Variants in RBFOX1 observed in about 807,000 individuals in gnomAD.
RBFOX1 encodes RNA binding protein fox-1 homolog 1.
In RBFOX1, 8 loss-of-function variants were observed where a neutral mutation model predicts 57.7. The ratio of observed to expected loss-of-function variants is 0.14; its 90% confidence interval spans 0.08 to 0.25. The LOEUF is 0.25. RBFOX1 is among the 10% of genes least tolerant of loss of function. RBFOX1 has a pLI of 1.00. For synonymous variants in RBFOX1, 326 were observed against 222.4 expected (o/e 1.47, Z -4.15); for missense variants, 611 against 548.5 (o/e 1.11, Z -1.14).
intron 3 of RBFOX1, among the ~76,000 whole-genome samples, chr16:7,009,637 C>T (rs1187712350): frequency 2.0e-5 from 3 of 152,152 alleles, no homozygotes; most frequent in Admixed American, 2.0e-4. Context: ...TATTGGAATT[C>T]TACCGTCTGG....
chr16:7,545,300 A>T (rs1019435226), intron 5 of RBFOX1, among the ~76,000 whole-genome samples: 4 of 148,418 alleles, frequency 2.7e-5, no homozygotes, highest in African/African-American at 1.0e-4. Context: ...CCACTGAGAG[A>T]GGCAGGGTGC....
chr16:6,812,669 G>T (rs375895182), intron 3 of RBFOX1, among the ~76,000 whole-genome samples: 3 of 152,106 alleles, frequency 2.0e-5, no homozygotes, highest in African/African-American at 7.2e-5. Context: ...GAGCTACCAC[G>T]CCTGGCCTTG....
chr16:6,794,997 CAT>C (rs2083685456), intron 3 of RBFOX1, among the ~76,000 whole-genome samples: 1 of 152,144 alleles, frequency 6.6e-6, no homozygotes, highest in African/African-American at 2.4e-5. Flanking sequence ...CTAAAATTCA[CAT>C]CTCCTGACAG....
At chr16:6,090,725 G>GC (rs2096158968) in intron 1 of RBFOX1, among the ~76,000 whole-genome samples, 1 of 152,098 alleles carries the variant, frequency 6.6e-6, no homozygotes, top group Non-Finnish European at 1.5e-5. Context: ...TAGCTCCAGG[G>GC]CCCCTTAGTG....
intron 3 of RBFOX1, among the ~76,000 whole-genome samples, chr16:7,013,749 C>A (rs535334460): frequency 8.6e-5 from 13 of 151,768 alleles, no homozygotes; most frequent in Admixed American, 2.6e-4. Context: ...CCTCAAACTC[C>A]CAGGCTCAAG....
chr16:6,973,897 G>A (rs527634719), intron 3 of RBFOX1, among the ~76,000 whole-genome samples: 3 of 152,220 alleles, frequency 2.0e-5, no homozygotes, highest in Admixed American at 6.5e-5. Flanking sequence ...ATTAAGCCCA[G>A]CATACATTAG....
intron 4 of RBFOX1, among the ~76,000 whole-genome samples, chr16:7,228,815 A>G (rs1351984405): frequency 1.3e-5 from 2 of 152,194 alleles, no homozygotes; most frequent in African/African-American, 2.4e-5. Flanking sequence ...TAAAAACATA[A>G]TCTCTCGGTT....
chr16:5,620,094 TAGTTCAGCAGAAAGTGAACATTACAGTC>T (rs1415589569), intron 3 of RBFOX1, among the ~76,000 whole-genome samples: 1 of 152,108 alleles, frequency 6.6e-6, no homozygotes, highest in Non-Finnish European at 1.5e-5. Flanking sequence ...CTTACTTTCC[TAGTTCAGCAGAAAGTGAACATTACAGTC>T]AGGTGGCAAT....
intron 10 of RBFOX1, among the ~76,000 whole-genome samples, chr16:7,623,548 G>C (rs1236023933): frequency 6.6e-6 from 1 of 152,080 alleles, no homozygotes; most frequent in Admixed American, 6.6e-5. Flanking sequence ...TATCTGACAG[G>C]AGGTGGAGCT....
chr16:5,780,673 A>G (rs1303732327), intron 3 of RBFOX1, among the ~76,000 whole-genome samples: 1 of 152,130 alleles, frequency 6.6e-6, no homozygotes, highest in Non-Finnish European at 1.5e-5. Context: ...TTTGTATCCC[A>G]TTCTCCAGTC....
At chr16:5,422,832 G>T (rs542776284) in intron 1 of RBFOX1, among the ~76,000 whole-genome samples, 41 of 141,214 alleles carry the variant, frequency 2.9e-4, no homozygotes, top group Non-Finnish European at 5.6e-4. Flanking sequence ...GGAGGAGGAG[G>T]GAGGAGCAGA....
At chr16:7,235,110 A>C (rs1488386021) in intron 4 of RBFOX1, among the ~76,000 whole-genome samples, 1 of 152,160 alleles carries the variant, frequency 6.6e-6, no homozygotes, top group East Asian at 1.9e-4. Context: ...GTTCTTTAAG[A>C]GGTATATAAA....
intron 4 of RBFOX1, among the ~76,000 whole-genome samples, chr16:7,315,262 G>C (rs2096410474): frequency 6.6e-6 from 1 of 151,926 alleles, no homozygotes; most frequent in Non-Finnish European, 1.5e-5. Flanking sequence ...AAATTAGAAT[G>C]ATACTTTAAA....
rs1202007078 is a variant in RBFOX1 at position 6,450,790 on chromosome 16, CAT to C, written c.-64+133742_-64+133743del. ...GTGTATATATATATATATATATATA[CAT>C]ATATATATGTATATATATATATATA... On this transcript the variant is annotated intron_variant, in intron 2 of 15. Transcript: ENST00000550418. Among the ~76,000 whole-genome samples the C allele has an allele frequency of 3.5e-3, 124 of 35,126 alleles. 3 individuals carry two copies. The highest frequency in any genetic ancestry group is 0.01 in the African/African-American group (77 of 7,422). The allele number at this position is 35,126 out of a possible 152,430, so 23.0% of individuals were successfully genotyped here.
At chr16:7,152,914 T>C (rs1049152303) in intron 4 of RBFOX1, among the ~76,000 whole-genome samples, 4 of 152,238 alleles carry the variant, frequency 2.6e-5, no homozygotes, top group African/African-American at 7.2e-5. Context: ...AGATGTTTTC[T>C]GAGAACAAAC....
At chr16:5,895,893 C>A (rs963327628) in intron 4 of RBFOX1, among the ~76,000 whole-genome samples, 10 of 152,050 alleles carry the variant, frequency 6.6e-5, no homozygotes, top group African/African-American at 2.4e-4. Context: ...TTATCATGTT[C>A]CCAAGAGGCA....
chr16:5,926,452 G>A (rs2058943149), intron 4 of RBFOX1, among the ~76,000 whole-genome samples: 1 of 152,092 alleles, frequency 6.6e-6, no homozygotes, highest in South Asian at 2.1e-4. Context: ...AGTGTAGGCA[G>A]GGCAGGAGTT....
intron 3 of RBFOX1, among the ~76,000 whole-genome samples, chr16:6,818,675 G>A (rs1225180382): frequency 6.6e-6 from 1 of 152,048 alleles, no homozygotes; most frequent in Non-Finnish European, 1.5e-5. Context: ...TTCTGGTAAA[G>A]CCCCTTAGTG....
intron 1 of RBFOX1, among the ~76,000 whole-genome samples, chr16:5,457,755 G>A (rs985737663): frequency 7.2e-5 from 11 of 152,212 alleles, no homozygotes; most frequent in African/African-American, 2.2e-4. Flanking sequence ...GACTATCTGT[G>A]TGGACTCACT....
Sources: allele counts gnomAD v4.1 joint callset (sites outside exome capture counted in the v4.1 genomes callset), GRCh38; gene constraint gnomAD v4.1.1; transcripts MANE v1.5; gene names NCBI Gene and HGNC (gene_info 2026-07-23, HGNC 2026-07-21).